The following SCN10A variants were observed in gnomAD, a reference collection of about 807,000 sequenced individuals.
SCN10A encodes sodium channel protein type 10 subunit alpha.
A neutral mutation model predicts 170.7 loss-of-function variants in SCN10A; 162 were observed. That is an observed-to-expected ratio of 0.95 (90% CI 0.84 to 1.08). The LOEUF (loss-of-function observed/expected upper bound fraction) is 1.08. Ranked by LOEUF, SCN10A falls within the 50% of genes least tolerant of loss-of-function variation. The pLI is 0.00. For synonymous variants in SCN10A, 985 were observed against 904.6 expected (o/e 1.09, Z -1.59); for missense variants, 2,527 against 2,436.9 (o/e 1.04, Z -0.78).
chr3:38,705,066 G>A (rs2063195901), intron 26 of SCN10A, among the ~76,000 whole-genome samples: 1 of 152,230 alleles, frequency 6.6e-6, no homozygotes, highest in Non-Finnish European at 1.5e-5. Flanking sequence ...TTGGATGCTG[G>A]TCAGGAGCTA....
In SCN10A at chr3:38,702,080, G is replaced by A. The variant is rs144944369; in HGVS notation, c.4416C>T (p.Ile1472=). 1,685 of 1,572,562 alleles carry A rather than the reference G, an allele frequency of 1.1e-3. 3 individuals carry two copies. The highest frequency in any genetic ancestry group is 1.2e-3 in the Non-Finnish European group (1,423 of 1,160,280). The change falls in exon 27 of 28, where the codon ATC becomes ATT. Residue 1472 remains isoleucine, a synonymous_variant. Coordinates refer to ENST00000449082, the MANE Select transcript of SCN10A (RefSeq NM_006514.4). ...LNKFQGFVFD[I]VTRQAFDITI... is the part of the protein sequence containing the mutation. ...TGATGTCAAAAGCTTGTCTGGTCAC[G>A]ATGTCAAAGACAAAACCCTGGAACT...
At chr3:38,760,631 G>A (rs752933949) in intron 8 of SCN10A, 50 bp downstream of exon 8, 4 of 1,390,872 alleles carry the variant, frequency 2.9e-6, no homozygotes, top group East Asian at 4.6e-5. Context: ...AGGACAAGAT[G>A]GAGAAGGAAT....
chr3:38,736,631 G>T (rs1418139068), intron 15 of SCN10A, among the ~76,000 whole-genome samples: 1 of 152,086 alleles, frequency 6.6e-6, no homozygotes, highest in Non-Finnish European at 1.5e-5. Flanking sequence ...ACGCAAAGAG[G>T]CAGAGGGAAA....
chr3:38,790,072 T>C (rs1308607390), intron 3 of SCN10A, among the ~76,000 whole-genome samples: 3 of 152,182 alleles, frequency 2.0e-5, no homozygotes, highest in Non-Finnish European at 4.4e-5. Context: ...AGGAAAATTC[T>C]ATTAATTAAA....
chr3:38,807,055 C>T (rs1021924780), intron 1 of SCN10A, among the ~76,000 whole-genome samples: 11 of 152,098 alleles, frequency 7.2e-5, no homozygotes, highest in Admixed American at 1.3e-4. Flanking sequence ...CACAGGATTC[C>T]TTTCGAATTC....
At chr3:38,772,718 C>CAAA (rs1433827001) in intron 4 of SCN10A, among the ~76,000 whole-genome samples, 9 of 76,598 alleles carry the variant, frequency 1.2e-4, no homozygotes, top group East Asian at 8.8e-4. Context: ...GCAACAACAA[C>CAAA]AACAACAAAA....
intron 14 of SCN10A, 51 bp downstream of exon 14, chr3:38,742,240 C>T (rs1196311988): frequency 4.2e-6 from 6 of 1,414,648 alleles, no homozygotes; most frequent in Middle Eastern, 4.6e-4. Context: ...GCCATCATCC[C>T]CACCCCGCCC....
At chr3:38,783,536 G>A (rs2064163554) in intron 4 of SCN10A, among the ~76,000 whole-genome samples, 1 of 151,982 alleles carries the variant, frequency 6.6e-6, no homozygotes, top group African/African-American at 2.4e-5. Flanking sequence ...CAGCACTAAA[G>A]TTTATTAATT....
intron 18 of SCN10A, 73 bp downstream of exon 18, chr3:38,725,101 C>G (rs780828772): frequency 1.4e-6 from 2 of 1,422,492 alleles, no homozygotes; most frequent in Non-Finnish European, 1.9e-6. Context: ...CACCGCCACC[C>G]TCCAGCCTCT....
intron 24 of SCN10A, 129 bp downstream of exon 24, chr3:38,710,715 G>A: frequency 1.2e-6 from 1 of 823,034 alleles, no homozygotes; most frequent in Non-Finnish European, 2.0e-6. Context: ...TGCAAGGAGG[G>A]ACAGTGTGAG....
At chr3:38,744,957 C>G (rs1005139457) in intron 13 of SCN10A, among the ~76,000 whole-genome samples, 1 of 152,178 alleles carries the variant, frequency 6.6e-6, no homozygotes, top group Non-Finnish European at 1.5e-5. Flanking sequence ...AAGCATAGTT[C>G]TCTAAAGAAG....
rs758936629 is a variant in SCN10A, at chr3:38,722,377, T to C, written c.3388A>G (p.Thr1130Ala). Residue 1130 changes from threonine to alanine, a missense_variant, in exon 20 of 28, where the codon ACC becomes GCC. Transcript: ENST00000449082. ...IRHCPCCKLD[T>A]TKSPWDVGWQ... is the part of the protein sequence containing the mutation. ...CCCACATCCCATGGACTCTTGGTGG[T>C]ATCCAGTTTGCAGCAGGGACAGTGG... The C allele has an allele frequency of 3.7e-6, 6 of 1,614,010 alleles. No individual in the cohort carries two copies. The highest frequency in any genetic ancestry group is 5.1e-6 in the Non-Finnish European group (6 of 1,179,994).
chr3:38,697,918 C>A lies in SCN10A; in HGVS notation c.5302G>T (p.Ala1768Ser), dbSNP rs2063111096. Residue 1768 changes from alanine to serine, a missense_variant, in exon 28 of 28, where the codon GCA (alanine) becomes TCA (serine). Transcript: ENST00000449082. ...CTCAGGGGACCAGAGAGAGTGTCTGCAAAGTCCGAGAGAGCAGAAAAGGTA... is the reference window on the plus strand; with the variant it reads ...CTCAGGGGACCAGAGAGAGTGTCTGAAAAGTCCGAGAGAGCAGAAAAGGTA... ...FITFSALSDF[A>S]DTLSGPLRIP... is the part of the protein sequence containing the mutation. 5 of 1,613,958 alleles carry A rather than the reference C, an allele frequency of 3.1e-6. No individual in the cohort carries two copies. The highest frequency in any genetic ancestry group is 4.2e-6 in the Non-Finnish European group (5 of 1,180,034).
chr3:38,757,446 C>T (rs931176342), intron 8 of SCN10A, among the ~76,000 whole-genome samples: 2 of 152,210 alleles, frequency 1.3e-5, no homozygotes, highest in African/African-American at 4.8e-5. Context: ...CAGTTCATAC[C>T]AGGGAAATGA....
At chr3:38,784,075 T>C (rs1356404843) in intron 4 of SCN10A, among the ~76,000 whole-genome samples, 1 of 152,120 alleles carries the variant, frequency 6.6e-6, no homozygotes, top group Non-Finnish European at 1.5e-5. Context: ...AATTGATTTG[T>C]AGAGTTCATT....
At chr3:38,786,647 A>G (rs932446603) in intron 4 of SCN10A, among the ~76,000 whole-genome samples, 6 of 152,024 alleles carry the variant, frequency 3.9e-5, no homozygotes, top group Admixed American at 3.9e-4. Context: ...GGCTTTATAT[A>G]TTTGCATTTC....
At chr3:38,726,181 T>C (rs1326164996) in intron 17 of SCN10A, among the ~76,000 whole-genome samples, 3 of 152,376 alleles carry the variant, frequency 2.0e-5, no homozygotes, top group South Asian at 2.1e-4. Context: ...TTCCCTGTGA[T>C]ACCACTTGTG....
At chr3:38,755,684 G>C (rs2063795383) in intron 11 of SCN10A, 104 bp downstream of exon 11, 1 of 1,343,854 alleles carries the variant, frequency 7.4e-7, no homozygotes, top group Admixed American at 1.8e-5. Context: ...TAGGCTCTAT[G>C]CCTCCAGCTC....
chr3:38,760,962 G>A (rs1358145574), intron 7 of SCN10A, among the ~76,000 whole-genome samples: 3 of 152,206 alleles, frequency 2.0e-5, no homozygotes, highest in Non-Finnish European at 4.4e-5. Flanking sequence ...CCCAGCAGAG[G>A]TAGAATGACT....
Sources: allele counts gnomAD v4.1 joint callset (sites outside exome capture counted in the v4.1 genomes callset), GRCh38; gene constraint gnomAD v4.1.1; transcripts MANE v1.5; gene names NCBI Gene and HGNC (gene_info 2026-07-23, HGNC 2026-07-21).